Variants in ANKRD45 observed in about 807,000 individuals in gnomAD.
ANKRD45 encodes the protein ankyrin repeat domain-containing protein 45.
A neutral mutation model predicts 28.1 loss-of-function variants in ANKRD45; 21 were observed. That is an observed-to-expected ratio of 0.75 (90% CI 0.53 to 1.08). The LOEUF (loss-of-function observed/expected upper bound fraction) is 1.08, where lower values mean the gene tolerates loss of function less well. Ranked by LOEUF, ANKRD45 falls within the 50% of genes least tolerant of loss-of-function variation. The pLI is 0.00. For missense variants in ANKRD45, 261 were observed against 308.7 expected (o/e 0.85, Z 1.16); for synonymous variants, 86 against 103.9 (o/e 0.83, Z 1.05).
the ANKRD45 span, among the ~76,000 whole-genome samples, chr1:173,697,574 A>G: frequency 2.6e-5 from 4 of 152,212 alleles, no homozygotes; most frequent in Non-Finnish European, 4.4e-5. Flanking sequence ...TAAGCTTCAT[A>G]AGTGAAGGAG....
chr1:173,671,051 T>C (rs907126593), upstream of ANKRD45, among the ~76,000 whole-genome samples: 2 of 152,172 alleles, frequency 1.3e-5, no homozygotes, highest in Non-Finnish European at 2.9e-5. Flanking sequence ...GGGGTTACAG[T>C]CTTCCCCAAC....
In ANKRD45 at chr1:173,627,125, T is replaced by A. The variant is rs1184021664; in HGVS notation, c.531A>T (p.Lys177Asn). ...CTGTGTCAGTAACAGCTAAAGAGAC[T>A]TTTGCAATATATTTTTTCAGAGTCA... Reference protein sequence around the residue: ...ARLTLKKYIAKVSLAVTDTEK... With the variant: ...ARLTLKKYIANVSLAVTDTEK... The change falls in exon 4 of 6, where the codon AAA becomes AAT. Residue 177 changes from lysine (K) to asparagine (N), a missense_variant. By Grantham distance (94) the Lys-to-Asn change is moderately conservative. Transcript: ENST00000333279. 6.2e-7 allele frequency: 1 copy of A among 1,612,912 alleles called. No individual in the cohort carries two copies. Among genetic ancestry groups the A allele is most frequent in the Admixed American group, 1.7e-5 (1 of 59,992 alleles).
chr1:173,711,089 C>T, the ANKRD45 span, among the ~76,000 whole-genome samples: 9 of 152,280 alleles, frequency 5.9e-5, no homozygotes, highest in African/African-American at 2.2e-4. Context: ...TAGGTCCAAC[C>T]ACTGTATTTT....
chr1:173,701,683 G>T, the ANKRD45 span, among the ~76,000 whole-genome samples: 1 of 152,116 alleles, frequency 6.6e-6, no homozygotes, highest in South Asian at 2.1e-4. Context: ...GTCGGGAGAT[G>T]GGGGAGGGAT....
the ANKRD45 span, among the ~76,000 whole-genome samples, chr1:173,701,711 C>T: frequency 6.6e-6 from 1 of 152,010 alleles, no homozygotes; most frequent in Non-Finnish European, 1.5e-5. Flanking sequence ...GGAGAAATAC[C>T]TAATGTAAAT....
intron 2 of ANKRD45, among the ~76,000 whole-genome samples, chr1:173,651,338 A>C (rs1436811651): frequency 3.9e-5 from 6 of 152,328 alleles, no homozygotes; most frequent in South Asian, 4.1e-4. Context: ...AGCACCATTT[A>C]TTAAATAGGG....
intron 3 of ANKRD45, among the ~76,000 whole-genome samples, chr1:173,646,349 G>A (rs1367346551): frequency 6.6e-6 from 1 of 152,126 alleles, no homozygotes; most frequent in East Asian, 1.9e-4. Context: ...TTACATCCCA[G>A]AAGTTCCCCA....
chr1:173,690,629 G>A, the ANKRD45 span, among the ~76,000 whole-genome samples: 1 of 152,020 alleles, frequency 6.6e-6, no homozygotes. Context: ...ATTGAGGATG[G>A]GTCCCTGAGT....
the ANKRD45 span, among the ~76,000 whole-genome samples, chr1:173,698,586 A>G: frequency 6.6e-6 from 1 of 151,696 alleles, no homozygotes; most frequent in Admixed American, 6.6e-5. Flanking sequence ...AAATAACGAA[A>G]TGAAGGCAGA....
intron 1 of ANKRD45, among the ~76,000 whole-genome samples, chr1:173,663,984 T>A (rs558803920): frequency 1.3e-5 from 2 of 152,322 alleles, no homozygotes; most frequent in South Asian, 4.1e-4. Flanking sequence ...TTACTACAGG[T>A]AACATATCAC....
chr1:173,637,974 G>A (rs906346670), intron 3 of ANKRD45, among the ~76,000 whole-genome samples: 4 of 152,166 alleles, frequency 2.6e-5, no homozygotes, highest in Non-Finnish European at 5.9e-5. Context: ...TCTCAGCAAC[G>A]CAGGGAAAGA....
intron 5 of ANKRD45, among the ~76,000 whole-genome samples, chr1:173,619,484 A>G (rs953596163): frequency 1.3e-5 from 2 of 152,334 alleles, no homozygotes; most frequent in East Asian, 3.9e-4. Context: ...AGCAGGGATC[A>G]CAGTCCTAGT....
In ANKRD45 at chr1:173,610,010, A is replaced by C; in HGVS notation, c.*135T>G. On this transcript the variant is annotated 3_prime_UTR_variant, in exon 6 of 6. Transcript: ENST00000333279. ...GGACATAAGCATGCTGAACAGGTCA[A>C]ACAAAACAAGGGCGATGTAATGTTG... 5.4e-6 allele frequency: 5 copies of C among 922,738 alleles called. No individual in the cohort carries two copies. Among genetic ancestry groups the C allele is most frequent in the Non-Finnish European group, 8.4e-6 (5 of 595,562 alleles). The allele number at this position is 922,738 out of a possible 1,614,324, so 57.2% of individuals were successfully genotyped here. A position where few individuals can be genotyped will look rare whatever the true frequency, so the allele number is the denominator to read the frequency against.
chr1:173,613,572 C>T (rs1268043187), intron 5 of ANKRD45, among the ~76,000 whole-genome samples: 8 of 145,576 alleles, frequency 5.5e-5, no homozygotes, highest in South Asian at 4.2e-4. Context: ...GCCCCCCCCC[C>T]GGCCAGCCGC....
At chr1:173,674,337 G>A (rs1228207992), upstream of ANKRD45, among the ~76,000 whole-genome samples, 1 of 151,990 alleles carries the variant, frequency 6.6e-6, no homozygotes, top group East Asian at 1.9e-4. Context: ...CTTTTGGGAT[G>A]GGGATATTTT....
chr1:173,680,808 G>A, the ANKRD45 span, among the ~76,000 whole-genome samples: 2 of 151,708 alleles, frequency 1.3e-5, no homozygotes, highest in Non-Finnish European at 2.9e-5. Context: ...ATGAATTCAC[G>A]TTCTTTGCAG....
At chr1:173,694,575 T>C in the ANKRD45 span, among the ~76,000 whole-genome samples, 1 of 145,000 alleles carries the variant, frequency 6.9e-6, no homozygotes, top group African/African-American at 2.5e-5. Flanking sequence ...TTATTATTAT[T>C]TCAATAGCTT....
At chr1:173,697,044 A>T in the ANKRD45 span, among the ~76,000 whole-genome samples, 25 of 152,356 alleles carry the variant, frequency 1.6e-4, no homozygotes, top group Middle Eastern at 6.8e-3. Flanking sequence ...AGCCAATTCG[A>T]TCAAGTGGAA....
At chr1:173,711,743 T>A in the ANKRD45 span, among the ~76,000 whole-genome samples, 1 of 152,214 alleles carries the variant, frequency 6.6e-6, no homozygotes, top group Admixed American at 6.5e-5. Flanking sequence ...AAACTGTAAT[T>A]ACTGCAAATG....
Sources: gnomAD v4.1 joint callset for allele counts (sites outside exome capture counted in the v4.1 genomes callset) on GRCh38, gnomAD v4.1.1 for gene constraint, MANE v1.5 for transcripts, NCBI Gene and HGNC (gene_info 2026-07-23, HGNC 2026-07-21) for gene names.